The following TUBGCP6 variants were observed in gnomAD, a reference collection of about 807,000 sequenced individuals.
TUBGCP6 encodes the protein tubulin gamma complex component 6.
TUBGCP6 carries 161 observed loss-of-function variants against 175.8 expected under a neutral mutation model. That is an observed-to-expected ratio of 0.92 (90% CI 0.81 to 1.04). The LOEUF is 1.04. Ranked by LOEUF, TUBGCP6 falls within the 50% of genes least tolerant of loss-of-function variation. TUBGCP6 has a pLI of 0.00. For synonymous variants in TUBGCP6, 1,173 were observed against 1,030.5 expected (o/e 1.14, Z -2.65); for missense variants, 2,572 against 2,433.0 (o/e 1.06, Z -1.20).
Position 50,226,279 on chromosome 22 carries a change from C to T in TUBGCP6, c.1693+8G>A, listed in dbSNP as rs1601592249. 6.2e-7 allele frequency: 1 copy of T among 1,614,052 alleles called. No homozygotes were observed. Among genetic ancestry groups the T allele is most frequent in the Non-Finnish European group, 8.5e-7 (1 of 1,179,998 alleles). On this transcript the variant is annotated splice_region_variant and intron_variant, in intron 8 of 24. Coordinates refer to ENST00000248846, the MANE Select transcript of TUBGCP6 (RefSeq NM_020461.4). Reference sequence around the variant, plus strand: ...CGGACCCCTGCCCCGCAATCAGCTGCCACCTACCTCGGAAGCTGAGGTACT... The same window carrying T: ...CGGACCCCTGCCCCGCAATCAGCTGTCACCTACCTCGGAAGCTGAGGTACT...
intron 4 of TUBGCP6, among the ~76,000 whole-genome samples, chr22:50,228,648 C>T (rs528553074): frequency 1.3e-5 from 2 of 152,208 alleles, no homozygotes; most frequent in South Asian, 4.1e-4. Context: ...ACCCCTTCTC[C>T]ACCATCTCTA....
intron 2 of TUBGCP6, among the ~76,000 whole-genome samples, chr22:50,235,645 G>A (rs1306788793): frequency 6.6e-6 from 1 of 152,172 alleles, no homozygotes; most frequent in Non-Finnish European, 1.5e-5. Context: ...CAAAATCCTA[G>A]AGACAGAAAG....
At position 50,219,971 on chromosome 22, in the gene TUBGCP6, G is replaced by A. The variant is rs1172870426; in HGVS notation, c.4153C>T (p.Pro1385Ser). 6 of 1,613,912 alleles carry A rather than the reference G, an allele frequency of 3.7e-6. No homozygotes were observed. The highest frequency in any genetic ancestry group is 2.2e-5 in the East Asian group (1 of 44,884). The change falls in exon 17 of 25, where the codon CCT (proline) becomes TCT (serine). Residue 1385 changes from proline to serine, a missense_variant. By Grantham distance (74) the Pro-to-Ser change is moderately conservative. Coordinates refer to ENST00000248846, the MANE Select transcript of TUBGCP6 (RefSeq NM_020461.4). ...GDTEDLSPNW[P>S]LNSQEDTAAQ... Reference sequence around the variant, plus strand: ...ATCCACCTAACCTGTGAGTTGAGAGGCCAATTTGGAGAGAGGTCCTCAGTG... The same window carrying A: ...ATCCACCTAACCTGTGAGTTGAGAGACCAATTTGGAGAGAGGTCCTCAGTG...
At chr22:50,225,067 T>G (rs912319923) in intron 10 of TUBGCP6, among the ~76,000 whole-genome samples, 24 of 86,636 alleles carry the variant, frequency 2.8e-4, no homozygotes, top group Middle Eastern at 6.6e-3. Flanking sequence ...CCGCCCACCC[T>G]CCCCCACCCC....
At chr22:50,232,093 G>A (rs1021384878) in intron 3 of TUBGCP6, among the ~76,000 whole-genome samples, 9 of 151,804 alleles carry the variant, frequency 5.9e-5, no homozygotes, top group Non-Finnish European at 1.3e-4. Context: ...GGCCGGGCGT[G>A]GTGGCTCATG....
intron 3 of TUBGCP6, among the ~76,000 whole-genome samples, chr22:50,231,656 A>G (rs772884128): frequency 2.6e-5 from 4 of 151,702 alleles, no homozygotes; most frequent in Admixed American, 2.0e-4. Flanking sequence ...TCAGGAGATC[A>G]AGACCATCCT....
rs1269340654 is a variant in TUBGCP6, at chr22:50,218,393, C to T, written c.4964G>A (p.Ser1655Asn). The T allele has an allele frequency of 1.9e-6, 3 of 1,612,918 alleles. No individual in the cohort carries two copies. Among genetic ancestry groups the T allele is most frequent in the East Asian group, 2.2e-5 (1 of 44,878 alleles). The change falls in exon 23 of 25, where the codon AGC (serine) becomes AAC (asparagine). Residue 1655 changes from serine (S) to asparagine (N), a missense_variant. Transcript: ENST00000248846. ...GAACTGCACAGAGCCGGCCATGTGG[C>T]TCAGCAGGGCTGGCGGAGGGCAGAA... ...CFHLKRTALL[S>N]HMAGSVQFRQ...
chr22:50,234,517 G>GCATCCACACCCAGTTCCACAGCAGCAT (rs1298348613), intron 2 of TUBGCP6, among the ~76,000 whole-genome samples: 1 of 136,184 alleles, frequency 7.3e-6, no homozygotes, highest in Non-Finnish European at 1.5e-5. Flanking sequence ...GTCCACAGCA[G>GCATCCACACCCAGTTCCACAGCAGCAT]CATCCACACC....
chr22:50,229,312 G>A (rs2147193892), intron 4 of TUBGCP6, 92 bp downstream of exon 4: 2 of 1,399,644 alleles, frequency 1.4e-6, no homozygotes, highest in Non-Finnish European at 2.0e-6. Flanking sequence ...TAGACTCTCT[G>A]GTCCTGCAGA....
rs1379586592 is a variant in TUBGCP6, at chr22:50,227,096, T to C, written c.1413-19A>G. Reference sequence around the variant, plus strand: ...CAGGTACCTAGACCCAGAGGCAGGATGAGACCAGGTGACCGGGCTCAGGGT... The same window carrying C: ...CAGGTACCTAGACCCAGAGGCAGGACGAGACCAGGTGACCGGGCTCAGGGT... On this transcript the variant is annotated intron_variant, in intron 5 of 24. Coordinates refer to ENST00000248846, the MANE Select transcript of TUBGCP6 (RefSeq NM_020461.4). 1.2e-6 allele frequency: 2 copies of C among 1,601,430 alleles called. No individual in the cohort carries two copies. The highest frequency in any genetic ancestry group is 2.7e-5 in the African/African-American group (2 of 74,700).
At position 50,244,575 on chromosome 22, in the gene TUBGCP6, C is replaced by T; in HGVS notation, c.-116G>A. 1 of 1,429,042 alleles carries T rather than the reference C, an allele frequency of 7.0e-7. No individual in the cohort carries two copies. Among genetic ancestry groups the T allele is most frequent in the South Asian group, 1.5e-5 (1 of 68,104 alleles). The allele number at this position is 1,429,042 out of a possible 1,614,324, so 88.5% of individuals were successfully genotyped here. A position where few individuals can be genotyped will look rare whatever the true frequency, so the allele number is the denominator to read the frequency against. ...CCGAAGAGGCTGAATGACAGGCGGC[C>T]TCTCCAATGCCGAAGCTCAGAACTG... On this transcript the variant is annotated 5_prime_UTR_variant, in exon 1 of 25. Coordinates refer to ENST00000248846, the MANE Select transcript of TUBGCP6 (RefSeq NM_020461.4).
In TUBGCP6 at chr22:50,221,236, AG is replaced by A. The variant is rs1267981707; in HGVS notation, c.3122del (p.Ser1041LeufsTer3). The A allele has an allele frequency of 6.2e-7, 1 of 1,614,018 alleles. No individual in the cohort carries two copies. Among genetic ancestry groups the A allele is most frequent in the African/African-American group, 1.3e-5 (1 of 74,932 alleles). ...GGGLPTGDYA[S>X]EIAPTRPRWN... ...ACCGTGGCCGGGTGGGAGCTATTTC[AG>A]AAGCGTAGTCCCCTGTGGGAAGACC... On this transcript the variant is annotated frameshift_variant, in exon 16 of 25. Transcript: ENST00000248846. LOFTEE classifies it high-confidence loss of function.
At position 50,227,017 on chromosome 22, in the gene TUBGCP6, G is replaced by A. The variant is rs200692068; in HGVS notation, c.1473C>T (p.Pro491=). 22 of 1,612,266 alleles carry A rather than the reference G, an allele frequency of 1.4e-5. No individual in the cohort carries two copies. In the East Asian group the frequency reaches 4.5e-4, roughly 33 times the overall value. ...AVLPGTCGGG[P]RAAFPTGVKL... Reference sequence around the variant, plus strand: ...AACTCACGGTGGGAAACGCGGCCCTGGGGCCTCCTCCACAGGTGCCCGGGA... The same window carrying A: ...AACTCACGGTGGGAAACGCGGCCCTAGGGCCTCCTCCACAGGTGCCCGGGA... The change falls in exon 6 of 25, where the codon CCC becomes CCT. Residue 491 remains proline, a synonymous_variant. Transcript: ENST00000248846.
chr22:50,242,289 CAA>C (rs923141246), intron 1 of TUBGCP6, among the ~76,000 whole-genome samples: 1 of 138,554 alleles, frequency 7.2e-6, no homozygotes, highest in Non-Finnish European at 1.6e-5. Context: ...GAGACTGTGT[CAA>C]AAAAAAAAAT....
chr22:50,229,549 C>T lies in TUBGCP6; in HGVS notation c.1145G>A (p.Gly382Asp). Residue 382 changes from glycine (G) to aspartate (D), a missense_variant, in exon 4 of 25, where the codon GGC (glycine) becomes GAC (aspartate). Gly to Asp is a moderately conservative substitution (Grantham distance 94). Coordinates refer to ENST00000248846, the MANE Select transcript of TUBGCP6 (RefSeq NM_020461.4). The part of the protein sequence containing the change: ...QPAQAFVVKR[G>D]VHVSGASPES... ...GGGAGACGCTCCTGACACGTGGACGCCCCGCTTCACCACAAAGGCCTGGGC... is the reference window on the plus strand; with the variant it reads ...GGGAGACGCTCCTGACACGTGGACGTCCCGCTTCACCACAAAGGCCTGGGC... The T allele has an allele frequency of 6.3e-7, 1 of 1,598,960 alleles. No individual in the cohort carries two copies. Among genetic ancestry groups the T allele is most frequent in the Non-Finnish European group, 8.5e-7 (1 of 1,173,492 alleles).
chr22:50,230,164 G>A (rs564428386), intron 3 of TUBGCP6, among the ~76,000 whole-genome samples: 3 of 152,298 alleles, frequency 2.0e-5, no homozygotes, highest in African/African-American at 7.2e-5. Flanking sequence ...ATACCCTAAA[G>A]AGATATTTTA....
At chr22:50,226,486 G>T in intron 7 of TUBGCP6, 108 bp from the exon 8 acceptor site, 1 of 1,066,406 alleles carries the variant, frequency 9.4e-7, no homozygotes, top group Non-Finnish European at 1.4e-6. Context: ...AGGGGCAAGT[G>T]GGGGCGTAGC....
intron 1 of TUBGCP6, 72 bp downstream of exon 1, chr22:50,243,646 AG>A: frequency 7.6e-7 from 1 of 1,314,210 alleles, no homozygotes; most frequent in Non-Finnish European, 1.0e-6. Context: ...AAGAAGAAGA[AG>A]AAGAAGAAAG....
In TUBGCP6 at chr22:50,218,000, C is replaced by G. The variant is rs746320008; in HGVS notation, c.5286G>C (p.Pro1762=). Residue 1762 remains proline, a synonymous_variant, in exon 24 of 25, where the codon CCG becomes CCC. Transcript: ENST00000248846. ...CAAAGTTGGGGTGCTCTGCACCCCG[C>G]GGGCCCCCAGGGGGCCCCCAGGCCT... ...ISQAWGPPGG[P]RGAEHPNFAL... 6.2e-7 allele frequency: 1 copy of G among 1,611,986 alleles called. No individual in the cohort carries two copies. The highest frequency in any genetic ancestry group is 8.5e-7 in the Non-Finnish European group (1 of 1,179,382).
Sources: allele counts gnomAD v4.1 joint callset (sites outside exome capture counted in the v4.1 genomes callset), GRCh38; gene constraint gnomAD v4.1.1; transcripts MANE v1.5; gene names NCBI Gene and HGNC (gene_info 2026-07-23, HGNC 2026-07-21).